The following KANK1 variants were observed in gnomAD, a reference collection of about 807,000 sequenced individuals.
KANK1 encodes the protein KN motif and ankyrin repeat domains 1.
A neutral mutation model predicts 106.2 loss-of-function variants in KANK1; 109 were observed. That is an observed-to-expected ratio of 1.03 (90% confidence interval 0.88 to 1.20). The LOEUF (loss-of-function observed/expected upper bound fraction) is 1.20. Ranked by LOEUF, KANK1 falls within the 50% of genes most tolerant of loss-of-function variation. The pLI is 0.00. For synonymous variants in KANK1, 873 were observed against 652.2 expected, an observed-to-expected ratio of 1.34 and a Z score of -5.16; for missense variants, 2,399 against 1,710.7, an observed-to-expected ratio of 1.40 and a Z score of -7.10.
chr9:689,594 C>T (rs1417484668), intron 2 of KANK1, among the ~76,000 whole-genome samples: 1 of 152,078 alleles, frequency 6.6e-6, no homozygotes, highest in African/African-American at 2.4e-5. Context: ...CCTTTTAATC[C>T]CCTAAATCCT....
At chr9:571,444 G>A (rs1819138793) in intron 1 of KANK1, among the ~76,000 whole-genome samples, 1 of 152,006 alleles carries the variant, frequency 6.6e-6, no homozygotes, top group Non-Finnish European at 1.5e-5. Context: ...AAAATAAAAA[G>A]CCTTAGTCAG....
chr9:544,507 C>T (rs773812424), intron 1 of KANK1, among the ~76,000 whole-genome samples: 1 of 152,134 alleles, frequency 6.6e-6, no homozygotes, highest in Non-Finnish European at 1.5e-5. Flanking sequence ...AATAGATGGA[C>T]CGGCCAACAA....
At chr9:672,880 G>C (rs4740849) in intron 1 of KANK1, among the ~76,000 whole-genome samples, 107,842 of 152,050 alleles carry the variant, frequency 0.71, 39,350 homozygotes, top group East Asian at 0.9. Flanking sequence ...TTCCTAAATC[G>C]TTTCGCAGGA....
intron 1 of KANK1, among the ~76,000 whole-genome samples, chr9:663,617 C>T (rs7865572): frequency 3.9e-5 from 6 of 151,968 alleles, no homozygotes; most frequent in African/African-American, 9.7e-5. Context: ...GCTGATTTTC[C>T]GCCTAGGTTT....
At chr9:694,471 A>G (rs1820740663) in intron 2 of KANK1, among the ~76,000 whole-genome samples, 1 of 152,212 alleles carries the variant, frequency 6.6e-6, no homozygotes, top group African/African-American at 2.4e-5. Context: ...AAAATGAGAC[A>G]GTGGACATTA....
In KANK1 at chr9:713,348, C is replaced by G. The variant is rs576919993; in HGVS notation, c.2582C>G (p.Ser861Cys). The G allele has an allele frequency of 7.4e-6, 12 of 1,614,060 alleles. No homozygotes were observed. Among genetic ancestry groups the G allele is most frequent in the Admixed American group, 1.7e-5 (1 of 60,004 alleles). The change falls in exon 3 of 12, where the codon TCC becomes TGC. Residue 861 changes from serine (S) to cysteine (C), a missense_variant. Coordinates refer to ENST00000382297, the MANE Select transcript of KANK1 (RefSeq NM_015158.5). ...AFGEPHSQMG[S>C]LNSQLISTLS... ...GGGGAACCTCACTCACAGATGGGCT[C>G]CCTCAACTCTCAGCTCATCAGCACC...
chr9:684,443 T>C, intron 2 of KANK1: 2 of 985,420 alleles, frequency 2.0e-6, no homozygotes, highest in African/African-American at 1.7e-5. Context: ...AACAGGGAGA[T>C]TCGCTGTGTT....
intron 1 of KANK1, among the ~76,000 whole-genome samples, chr9:663,779 GATGGTTTTAACC>G: frequency 6.6e-6 from 1 of 152,348 alleles, no homozygotes; most frequent in African/African-American, 2.4e-5. Flanking sequence ...CAGGCTCTGA[GATGGTTTTAACC>G]TGTTCCTTGG....
At chr9:545,504 C>A (rs1414579882) in intron 1 of KANK1, among the ~76,000 whole-genome samples, 1 of 152,074 alleles carries the variant, frequency 6.6e-6, no homozygotes, top group Non-Finnish European at 1.5e-5. Flanking sequence ...TAGGGCAGAA[C>A]TCTGAAGAGC....
intron 1 of KANK1, among the ~76,000 whole-genome samples, chr9:524,233 A>G (rs1207086111): frequency 6.6e-6 from 1 of 151,782 alleles, no homozygotes; most frequent in Non-Finnish European, 1.5e-5. Flanking sequence ...CTGGTGAAGT[A>G]ATACAACCCT....
Position 711,492 on chromosome 9 carries a change from C to T in KANK1, c.726C>T (p.Ser242=). Residue 242 remains serine, a synonymous_variant, in exon 3 of 12, where the codon AGC becomes AGT. Coordinates refer to ENST00000382297, the MANE Select transcript of KANK1 (RefSeq NM_015158.5). ...CCATGGGGAGCTCCATCCGCCACAG[C>T]CCCCTGAGCTCAGGGATCTCCACCC... The part of the protein sequence containing the change: ...TSSMGSSIRH[S]PLSSGISTPV... 6.2e-7 allele frequency: 1 copy of T among 1,614,118 alleles called. No homozygotes were observed. The highest frequency in any genetic ancestry group is 8.5e-7 in the Non-Finnish European group (1 of 1,180,012).
chr9:586,493 T>C (rs1823501282), intron 1 of KANK1, among the ~76,000 whole-genome samples: 1 of 152,002 alleles, frequency 6.6e-6, no homozygotes, highest in South Asian at 2.1e-4. Flanking sequence ...TCGGGGAAAG[T>C]GGTGGTGACT....
chr9:578,631 A>G (rs1821227915), intron 1 of KANK1, among the ~76,000 whole-genome samples: 1 of 152,160 alleles, frequency 6.6e-6, no homozygotes. Context: ...AGATTTATGC[A>G]CTGTTAAAGC....
chr9:675,378 T>G (rs1374538384), intron 1 of KANK1, among the ~76,000 whole-genome samples: 1 of 152,214 alleles, frequency 6.6e-6, no homozygotes, highest in Non-Finnish European at 1.5e-5. Flanking sequence ...TTCTTCTGAT[T>G]TCATGGGTCT....
chr9:569,414 G>T (rs1461382104), intron 1 of KANK1, among the ~76,000 whole-genome samples: 1 of 151,970 alleles, frequency 6.6e-6, no homozygotes, highest in East Asian at 1.9e-4. Flanking sequence ...GGTTATCAGG[G>T]GAGTAGGGCT....
intron 7 of KANK1, among the ~76,000 whole-genome samples, chr9:737,916 A>C (rs1174458862): frequency 2.6e-5 from 4 of 152,224 alleles, no homozygotes; most frequent in Non-Finnish European, 5.9e-5. Context: ...CATCACAGAA[A>C]CTATGAAAGC....
chr9:682,633 C>T (rs1817793964), intron 2 of KANK1, among the ~76,000 whole-genome samples: 1 of 152,156 alleles, frequency 6.6e-6, no homozygotes. Flanking sequence ...GATGATGTTG[C>T]AGAGAACATC....
intron 10 of KANK1, 39 bp downstream of exon 10, chr9:742,444 GGGGA>G: frequency 6.5e-7 from 1 of 1,537,646 alleles, no homozygotes; most frequent in South Asian, 1.2e-5. Flanking sequence ...CAGGGGTCTG[GGGGA>G]CTCTGGACGG....
chr9:589,070 C>G lies in KANK1; in HGVS notation c.-84+84316C>G, dbSNP rs72689653. ...GAAGATCACAAATTACCTTCCGTGA[C>G]TCAGTTGATGCTGAGAGGTCAGGGA... is the stretch of plus-strand genomic sequence containing the variant. On this transcript the variant is annotated intron_variant, in intron 1 of 11. Coordinates refer to ENST00000382297, the MANE Select transcript of KANK1 (RefSeq NM_015158.5). Among the ~76,000 whole-genome samples, 1,114 of 152,358 alleles carry G rather than the reference C, an allele frequency of 7.3e-3. 15 individuals are homozygous for G. Among genetic ancestry groups the G allele is most frequent in the African/African-American group, 0.025 (1,052 of 41,588 alleles).
Sources: allele counts gnomAD v4.1 joint callset (sites outside exome capture counted in the v4.1 genomes callset), GRCh38; gene constraint gnomAD v4.1.1; transcripts MANE v1.5; gene names NCBI Gene and HGNC (gene_info 2026-07-23, HGNC 2026-07-21).